The following UNC80 variants were observed in gnomAD, a reference collection of about 807,000 sequenced individuals.
UNC80 encodes the protein unc-80 subunit of NALCN channel complex, also known as protein unc-80 homolog.
UNC80 carries 164 observed loss-of-function variants against 384.6 expected under a neutral mutation model. The observed-to-expected ratio is 0.43, with a 90% CI of 0.38 to 0.49. The LOEUF (loss-of-function observed/expected upper bound fraction) is 0.49. Among genes scored for constraint, UNC80 ranks in the 20% least tolerant of loss-of-function variants. The pLI is 0.00. For missense variants in UNC80, 3,330 were observed against 4,143.0 expected (o/e 0.80, Z 5.39); for synonymous variants, 1,486 against 1,527.8 (o/e 0.97, Z 0.64).
At chr2:209,776,493 A>C (rs916843223) in intron 3 of UNC80, among the ~76,000 whole-genome samples, 8 of 152,242 alleles carry the variant, frequency 5.3e-5, no homozygotes, top group African/African-American at 1.7e-4. Flanking sequence ...AGGCAGGAGA[A>C]TCACTTGAAC....
At chr2:209,983,913 T>A (rs894501313) in intron 60 of UNC80, among the ~76,000 whole-genome samples, 1 of 152,158 alleles carries the variant, frequency 6.6e-6, no homozygotes, top group African/African-American at 2.4e-5. Flanking sequence ...ACTGTCTCTG[T>A]ACATAAGGGA....
intron 29 of UNC80, 121 bp downstream of exon 29, chr2:209,905,086 T>C: frequency 2.0e-6 from 2 of 998,436 alleles, no homozygotes; most frequent in Non-Finnish European, 3.0e-6. Context: ...TGTGTGCATC[T>C]AAACATAAGC....
intron 47 of UNC80, among the ~76,000 whole-genome samples, chr2:209,947,430 C>A (rs1002078601): frequency 6.6e-6 from 1 of 152,204 alleles, no homozygotes; most frequent in South Asian, 2.1e-4. Context: ...TCATAAAATT[C>A]TCTTTCAAGT....
intron 25 of UNC80, among the ~76,000 whole-genome samples, chr2:209,885,630 G>A (rs1401116466): frequency 6.6e-6 from 1 of 151,860 alleles, no homozygotes; most frequent in Non-Finnish European, 1.5e-5. Flanking sequence ...TCTTGATGAT[G>A]GTAAAATAGA....
intron 39 of UNC80, among the ~76,000 whole-genome samples, chr2:209,934,707 A>G (rs1266118852): frequency 6.6e-6 from 1 of 152,248 alleles, no homozygotes. Flanking sequence ...GTGAAGAAGT[A>G]CATTATTTCT....
At chr2:209,792,615 A>G (rs528181179) in intron 6 of UNC80, among the ~76,000 whole-genome samples, 3 of 152,048 alleles carry the variant, frequency 2.0e-5, no homozygotes, top group Non-Finnish European at 4.4e-5. Context: ...CCAAAGTGCT[A>G]GGATTACAGG....
At chr2:209,776,194 A>G (rs2076851195) in intron 3 of UNC80, 149 bp downstream of exon 3, 1 of 1,011,962 alleles carries the variant, frequency 9.9e-7, no homozygotes, top group East Asian at 2.7e-5. Flanking sequence ...CCTCACACTT[A>G]TACTCATTAT....
chr2:209,930,283 G>A (rs915555905), intron 37 of UNC80, among the ~76,000 whole-genome samples: 1 of 152,048 alleles, frequency 6.6e-6, no homozygotes, highest in Non-Finnish European at 1.5e-5. Context: ...TTGGCAGTCT[G>A]ATGCAGGTAT....
chr2:209,888,648 C>T (rs914350115), intron 26 of UNC80, among the ~76,000 whole-genome samples: 2 of 151,962 alleles, frequency 1.3e-5, no homozygotes, highest in Non-Finnish European at 2.9e-5. Context: ...CAGAGTCTCA[C>T]TCTGTCTCCC....
intron 11 of UNC80, among the ~76,000 whole-genome samples, 192 bp downstream of exon 11, chr2:209,818,144 A>C (rs1166571931): frequency 6.6e-6 from 1 of 152,170 alleles, no homozygotes; most frequent in East Asian, 1.9e-4. Context: ...ACCGCACTGT[A>C]AACACCATAC....
At position 209,823,199 on chromosome 2, in the gene UNC80, T is replaced by C. The variant is rs114477956; in HGVS notation, c.2331+2520T>C. Among the ~76,000 whole-genome samples, 70 of 152,326 alleles carry C rather than the reference T, an allele frequency of 4.6e-4. 1 individual carries two copies. The highest frequency in any genetic ancestry group is 1.7e-3 in the African/African-American group (69 of 41,574). On this transcript the variant is annotated intron_variant, in intron 13 of 64. Coordinates refer to ENST00000673920, the MANE Select transcript of UNC80 (RefSeq NM_001371986.1). Reference sequence around the variant, plus strand: ...ATGTTATTTAATATCTTCAATTTTTTTGCCTGTAAGTTGCTACATCTTTCT... The same window carrying C: ...ATGTTATTTAATATCTTCAATTTTTCTGCCTGTAAGTTGCTACATCTTTCT...
intron 36 of UNC80, among the ~76,000 whole-genome samples, chr2:209,928,850 T>G (rs2090633490): frequency 6.6e-6 from 1 of 152,166 alleles, no homozygotes; most frequent in Non-Finnish European, 1.5e-5. Context: ...CTTCCTAGCC[T>G]CTAGTTAGCA....
At chr2:209,888,541 T>C (rs1313336107) in intron 26 of UNC80, among the ~76,000 whole-genome samples, 1 of 152,158 alleles carries the variant, frequency 6.6e-6, no homozygotes, top group Admixed American at 6.5e-5. Context: ...ATACTCCCAA[T>C]TGAACTTTTA....
chr2:209,804,544 G>GT (rs2078766929), intron 7 of UNC80, among the ~76,000 whole-genome samples: 1 of 151,900 alleles, frequency 6.6e-6, no homozygotes, highest in African/African-American at 2.4e-5. Flanking sequence ...AACTTTGTGG[G>GT]TTCACTGTGA....
At chr2:209,969,195 T>C (rs540769052) in intron 52 of UNC80, 3 of 152,416 alleles carry the variant, frequency 2.0e-5, no homozygotes, top group East Asian at 1.9e-4. Context: ...ATTCATTTAA[T>C]TGGGTTATGT....
chr2:209,894,838 C>G (rs1265148079), intron 27 of UNC80, among the ~76,000 whole-genome samples: 1 of 152,152 alleles, frequency 6.6e-6, no homozygotes, highest in African/African-American at 2.4e-5. Context: ...TAAAGATTCT[C>G]TATATTTTAA....
At chr2:209,797,528 A>T (rs2153826035) in intron 7 of UNC80, among the ~76,000 whole-genome samples, 1 of 152,254 alleles carries the variant, frequency 6.6e-6, no homozygotes, top group South Asian at 2.1e-4. Context: ...GTTGCATACT[A>T]TTCCATGGTA....
chr2:209,969,931 T>C (rs983585663), intron 53 of UNC80, 40 bp downstream of exon 53: 12 of 1,548,080 alleles, frequency 7.8e-6, no homozygotes, highest in African/African-American at 2.7e-5. Context: ...CTTTGCACAA[T>C]GTAACTCTGC....
chr2:209,987,701 A>G (rs1161630975), intron 61 of UNC80, among the ~76,000 whole-genome samples: 9 of 152,170 alleles, frequency 5.9e-5, no homozygotes, highest in African/African-American at 1.9e-4. Context: ...TTATAATGCT[A>G]CTTGAATTTG....
Sources: allele counts gnomAD v4.1 joint callset (sites outside exome capture counted in the v4.1 genomes callset), GRCh38; gene constraint gnomAD v4.1.1; transcripts MANE v1.5; gene names NCBI Gene and HGNC (gene_info 2026-07-23, HGNC 2026-07-21).